ABCA12: variants seen among roughly 807,000 people sequenced by gnomAD.
ABCA12 encodes the protein ATP binding cassette subfamily A member 12.
A neutral mutation model predicts 293.5 loss-of-function variants in ABCA12; 156 were observed. The observed-to-expected ratio is 0.53, with a 90% CI of 0.47 to 0.61. The LOEUF (loss-of-function observed/expected upper bound fraction) is 0.61, where lower values mean the gene tolerates loss of function less well. Ranked by LOEUF, ABCA12 falls within the 20% of genes least tolerant of loss-of-function variation. The probability of loss-of-function intolerance (pLI) is 0.00; values close to 1 mark genes in which losing one functional copy is unlikely to be tolerated. For synonymous variants in ABCA12, 1,063 were observed against 1,108.0 expected, an observed-to-expected ratio of 0.96 and a Z score of 0.81; for missense variants, 2,797 against 3,090.2, an observed-to-expected ratio of 0.91 and a Z score of 2.25.
At chr2:215,016,355 A>G (rs1052885911) in intron 14 of ABCA12, among the ~76,000 whole-genome samples, 2 of 150,928 alleles carry the variant, frequency 1.3e-5, no homozygotes, top group Non-Finnish European at 3.0e-5. Context: ...AGGCCGAGGC[A>G]GGCGGATCAC....
chr2:215,066,578 A>G (rs1274096482), intron 2 of ABCA12, among the ~76,000 whole-genome samples: 5 of 152,136 alleles, frequency 3.3e-5, no homozygotes, highest in Non-Finnish European at 5.9e-5. Flanking sequence ...ATTCTTTGGT[A>G]TGATATCTAC....
chr2:215,025,607 T>TC (rs1298500507), intron 11 of ABCA12, 66 bp downstream of exon 11: 3 of 1,103,158 alleles, frequency 2.7e-6, no homozygotes, highest in Non-Finnish European at 3.9e-6. Context: ...AAGGTTTTTT[T>TC]TTTGTTTGTT....
intron 22 of ABCA12, among the ~76,000 whole-genome samples, chr2:214,998,782 A>G (rs1432147859): frequency 6.6e-6 from 1 of 152,208 alleles, no homozygotes; most frequent in Non-Finnish European, 1.5e-5. Flanking sequence ...CTGCTGGTCC[A>G]GAGACCACAC....
At chr2:215,118,814 A>C (rs1702741001) in intron 1 of ABCA12, among the ~76,000 whole-genome samples, 1 of 152,120 alleles carries the variant, frequency 6.6e-6, no homozygotes, top group Non-Finnish European at 1.5e-5. Flanking sequence ...TCATCTTTTG[A>C]GAAGTGTCTG....
chr2:215,075,988 A>C (rs533254911), intron 2 of ABCA12, among the ~76,000 whole-genome samples: 3 of 152,300 alleles, frequency 2.0e-5, no homozygotes, highest in South Asian at 2.1e-4. Flanking sequence ...ACTCCTCAAC[A>C]GTTTGTGTAA....
chr2:215,032,098 G>A lies in ABCA12; in HGVS notation c.986-202C>T, dbSNP rs1700891288. On this transcript the variant is annotated intron_variant, in intron 8 of 52. Transcript: ENST00000272895. ...TATTTATAGGAAATAGATGCCTACTGATCAAAATAATCCCGATGGTCAAGC... is the reference window on the plus strand; with the variant it reads ...TATTTATAGGAAATAGATGCCTACTAATCAAAATAATCCCGATGGTCAAGC... 2.1e-6 allele frequency: 3 copies of A among 1,433,188 alleles called. No individual in the cohort carries two copies. In the East Asian group the frequency reaches 7.8e-5, roughly 37 times the overall value. The allele number at this position is 1,433,188 out of a possible 1,614,324, so 88.8% of individuals were successfully genotyped here.
At chr2:215,097,277 C>T (rs1575042036) in intron 2 of ABCA12, among the ~76,000 whole-genome samples, 1 of 152,084 alleles carries the variant, frequency 6.6e-6, no homozygotes, top group East Asian at 1.9e-4. Context: ...TAGCTTAAGT[C>T]TTATTTATGC....
At chr2:215,117,463 T>A (rs987340971) in intron 1 of ABCA12, among the ~76,000 whole-genome samples, 1 of 152,216 alleles carries the variant, frequency 6.6e-6, no homozygotes, top group Non-Finnish European at 1.5e-5. Context: ...TTAAAGCTAA[T>A]CTGCAGTATC....
chr2:215,063,165 T>G (rs978172166), intron 3 of ABCA12, among the ~76,000 whole-genome samples: 5 of 152,016 alleles, frequency 3.3e-5, no homozygotes, highest in African/African-American at 1.2e-4. Flanking sequence ...ATGTTTATAT[T>G]TTTTGATAAA....
chr2:214,942,410 AC>A (rs1453591064), intron 50 of ABCA12, among the ~76,000 whole-genome samples: 1 of 152,244 alleles, frequency 6.6e-6, no homozygotes, highest in Non-Finnish European at 1.5e-5. Flanking sequence ...TCTGGTGTAT[AC>A]AAACTATTAA....
In ABCA12 at chr2:214,986,576, G is replaced by A. The variant is rs911008243; in HGVS notation, c.4129C>T (p.Leu1377=). ...NFYEGHITSL[L]GPNGAGKTTT... Reference sequence around the variant, plus strand: ...GTTTTCCCAGCTCCATTGGGCCCCAGCAATGAAGTAATATGCCCTTCATAA... The same window carrying A: ...GTTTTCCCAGCTCCATTGGGCCCCAACAATGAAGTAATATGCCCTTCATAA... The change falls in exon 28 of 53, where the codon CTG becomes TTG. Residue 1377 remains leucine, a synonymous_variant. Transcript: ENST00000272895. 2.5e-6 allele frequency: 4 copies of A among 1,613,898 alleles called. No homozygotes were observed. In the African/African-American group the frequency reaches 5.3e-5, roughly 22 times the overall value.
intron 14 of ABCA12, among the ~76,000 whole-genome samples, chr2:215,016,195 T>A (rs1357325375): frequency 6.6e-6 from 1 of 151,780 alleles, no homozygotes; most frequent in Non-Finnish European, 1.5e-5. Context: ...ACATTCAGGA[T>A]GGCCCCTGGA....
chr2:215,108,723 T>A (rs1470342799), intron 2 of ABCA12, among the ~76,000 whole-genome samples: 1 of 152,008 alleles, frequency 6.6e-6, no homozygotes, highest in Non-Finnish European at 1.5e-5. Context: ...AAAAACAGGA[T>A]AAAAGCATCT....
At chr2:215,088,126 A>C (rs1228755279) in intron 2 of ABCA12, among the ~76,000 whole-genome samples, 3 of 152,196 alleles carry the variant, frequency 2.0e-5, no homozygotes, top group African/African-American at 7.2e-5. Context: ...TCCTGAATGT[A>C]ATTTTGAGTT....
intron 20 of ABCA12, 53 bp from the exon 21 acceptor site, chr2:215,001,790 C>A: frequency 6.6e-7 from 1 of 1,510,242 alleles, no homozygotes; most frequent in South Asian, 1.2e-5. Context: ...TGATTCTGGT[C>A]GTAATTAGAT....
At chr2:215,020,867 A>G (rs1700615421) in intron 11 of ABCA12, 1 of 150,626 alleles carries the variant, frequency 6.6e-6, no homozygotes, top group Admixed American at 6.6e-5. Flanking sequence ...ACTCCTGGCT[A>G]ATTTTTTGTA....
At chr2:215,050,181 A>G (rs13020712) in intron 5 of ABCA12, among the ~76,000 whole-genome samples, 97,210 of 151,968 alleles carry the variant, frequency 0.64, 34,636 homozygotes, top group South Asian at 0.85. Context: ...CAGGTGTCCT[A>G]ACTCTTCATG....
intron 2 of ABCA12, among the ~76,000 whole-genome samples, chr2:215,079,780 G>A (rs1701901503): frequency 6.6e-6 from 1 of 152,112 alleles, no homozygotes; most frequent in Non-Finnish European, 1.5e-5. Context: ...AAAATGTTTA[G>A]GGAAATAAAT....
chr2:215,026,654 A>G (rs1700751212), intron 10 of ABCA12, among the ~76,000 whole-genome samples, 166 bp downstream of exon 10: 1 of 152,208 alleles, frequency 6.6e-6, no homozygotes, highest in Non-Finnish European at 1.5e-5. Flanking sequence ...ATATTATGAC[A>G]AGACATTCCC....
Sources: allele counts gnomAD v4.1 joint callset (sites outside exome capture counted in the v4.1 genomes callset), GRCh38; gene constraint gnomAD v4.1.1; transcripts MANE v1.5; gene names NCBI Gene and HGNC (gene_info 2026-07-23, HGNC 2026-07-21).